Variants in REPS1 observed in about 807,000 individuals in gnomAD.
The protein encoded by REPS1 is ralBP1-associated Eps domain-containing protein 1.
Under a neutral mutation model 100.9 loss-of-function variants are expected in REPS1, and 39 were observed. The observed-to-expected ratio is 0.39, with a 90% CI of 0.30 to 0.50. The LOEUF is 0.50. Ranked by LOEUF, REPS1 falls within the 20% of genes least tolerant of loss-of-function variation. REPS1 has a pLI of 0.86. For synonymous variants in REPS1, 324 were observed against 340.3 expected (o/e 0.95, Z 0.53); for missense variants, 821 against 968.5 (o/e 0.85, Z 2.02).
At chr6:138,939,033 T>G (rs917139922) in intron 8 of REPS1, among the ~76,000 whole-genome samples, 2 of 152,056 alleles carry the variant, frequency 1.3e-5, no homozygotes, top group African/African-American at 2.4e-5. Context: ...ATAATGATTT[T>G]TATGGATACT....
intron 2 of REPS1, among the ~76,000 whole-genome samples, chr6:138,947,528 T>C (rs1422605061): frequency 1.3e-5 from 2 of 152,202 alleles, no homozygotes; most frequent in Non-Finnish European, 2.9e-5. Flanking sequence ...TTTGGTAAAT[T>C]AATTCTTAAA....
chr6:138,975,452 A>C (rs1784550918), intron 1 of REPS1, among the ~76,000 whole-genome samples: 1 of 152,240 alleles, frequency 6.6e-6, no homozygotes, highest in Non-Finnish European at 1.5e-5. Context: ...GAAGAACAAC[A>C]GACAATTTTC....
intron 1 of REPS1, among the ~76,000 whole-genome samples, chr6:138,972,237 A>G (rs748502022): frequency 6.6e-6 from 1 of 152,218 alleles, no homozygotes; most frequent in East Asian, 1.9e-4. Context: ...GGGGGGCGGA[A>G]TAAGCACGAA....
chr6:138,961,305 C>T (rs1272044097), intron 1 of REPS1, among the ~76,000 whole-genome samples: 4 of 152,136 alleles, frequency 2.6e-5, no homozygotes, highest in African/African-American at 7.2e-5. Flanking sequence ...GGCACGATCT[C>T]GGCTCACTGC....
At chr6:138,961,621 C>G (rs559240250) in intron 1 of REPS1, among the ~76,000 whole-genome samples, 5 of 152,274 alleles carry the variant, frequency 3.3e-5, no homozygotes, top group African/African-American at 1.2e-4. Context: ...GTTTTATCTG[C>G]CATGACTTTT....
intron 13 of REPS1, chr6:138,916,218 CTTTTTTTTTT>C (rs10582137): frequency 3.9e-5 from 8 of 207,438 alleles, no homozygotes; most frequent in African/African-American, 9.6e-5. Context: ...TTCTTTTTTT[CTTTTTTTTTT>C]TTTTTTTTTT....
At chr6:138,953,681 C>CAA (rs34741005) in intron 1 of REPS1, among the ~76,000 whole-genome samples, 4 of 126,934 alleles carry the variant, frequency 3.2e-5, no homozygotes, top group Non-Finnish European at 5.1e-5. Context: ...TGGCTATTAT[C>CAA]AAAAAAAAAA....
chr6:138,987,515 G>C lies in REPS1; in HGVS notation c.153+15C>G, dbSNP rs1346650444. ...CAGGCCTAAGCCGCCCGCCGGCCCCGGGACGCGACGTTACCTGTAGGACCA... is the reference window on the plus strand; with the variant it reads ...CAGGCCTAAGCCGCCCGCCGGCCCCCGGACGCGACGTTACCTGTAGGACCA... On this transcript the variant is annotated intron_variant, in intron 1 of 19. Coordinates refer to ENST00000450536, the MANE Select transcript of REPS1 (RefSeq NM_001286611.2). The C allele has an allele frequency of 1.2e-5, 18 of 1,544,838 alleles. No homozygotes were observed. The highest frequency in any genetic ancestry group is 1.5e-5 in the Non-Finnish European group (17 of 1,144,448).
chr6:138,944,759 C>T (rs1385831030), intron 4 of REPS1, 137 bp from the exon 5 acceptor site: 5 of 740,634 alleles, frequency 6.8e-6, no homozygotes, highest in African/African-American at 3.5e-5. Context: ...AGAAATTATA[C>T]CTCATTTAAA....
Position 138,914,695 on chromosome 6 carries a change from AC to A in REPS1, c.1785+1del, listed in dbSNP as rs1343682269. 6.2e-7 allele frequency: 1 copy of A among 1,611,942 alleles called. No homozygotes were observed. Among genetic ancestry groups the A allele is most frequent in the Non-Finnish European group, 8.5e-7 (1 of 1,178,056 alleles). On this transcript the variant is annotated splice_donor_variant, in intron 15 of 19. Transcript: ENST00000450536. Reference sequence around the variant, plus strand: ...TTAGTAATAAATACCTTGGAGAATTACCTGTGAGGGCTGTGGTCTTGGAGGC... The same window carrying A: ...TTAGTAATAAATACCTTGGAGAATTACTGTGAGGGCTGTGGTCTTGGAGGC...
chr6:138,905,028 T>G lies in REPS1; in HGVS notation c.*36A>C, dbSNP rs1353083109. The G allele has an allele frequency of 1.2e-6, 2 of 1,608,962 alleles. No homozygotes were observed. The highest frequency in any genetic ancestry group is 4.5e-5 in the East Asian group (2 of 44,804). ...AATTGGCTTTGAACCCAAAACCACT[T>G]AAAAACAAGTATGTTCACAGTTAAC... is the stretch of plus-strand genomic sequence containing the variant. On this transcript the variant is annotated 3_prime_UTR_variant, in exon 20 of 20. Coordinates refer to ENST00000450536, the MANE Select transcript of REPS1 (RefSeq NM_001286611.2).
At chr6:138,981,177 A>C (rs539093751) in intron 1 of REPS1, among the ~76,000 whole-genome samples, 2 of 152,344 alleles carry the variant, frequency 1.3e-5, no homozygotes, top group Admixed American at 6.5e-5. Context: ...TCAACAGCCC[A>C]AAAGAGACAG....
intron 1 of REPS1, among the ~76,000 whole-genome samples, chr6:138,980,973 A>G (rs1250129663): frequency 1.3e-5 from 2 of 152,156 alleles, no homozygotes; most frequent in Non-Finnish European, 2.9e-5. Flanking sequence ...AGTATTTAAA[A>G]CTGATTTAAG....
At chr6:138,906,251 G>GA (rs1217198217) in intron 19 of REPS1, among the ~76,000 whole-genome samples, 1 of 152,160 alleles carries the variant, frequency 6.6e-6, no homozygotes, top group Non-Finnish European at 1.5e-5. Context: ...TCATTCAGTA[G>GA]ATGTTTATCA....
At chr6:138,923,363 C>A (rs192701872) in intron 10 of REPS1, among the ~76,000 whole-genome samples, 2 of 152,112 alleles carry the variant, frequency 1.3e-5, no homozygotes, top group Admixed American at 1.3e-4. Flanking sequence ...ATTCCAAATA[C>A]AAAGCAAATT....
intron 1 of REPS1, among the ~76,000 whole-genome samples, chr6:138,969,913 G>C (rs897669640): frequency 8.9e-6 from 1 of 111,856 alleles, no homozygotes; most frequent in African/African-American, 3.6e-5. Context: ...AGACCTTAAA[G>C]AATGGGCAGT....
At chr6:138,945,832 C>G (rs1231121608) in intron 2 of REPS1, 135 bp from the exon 3 acceptor site, 1 of 687,074 alleles carries the variant, frequency 1.5e-6, no homozygotes, top group Non-Finnish European at 2.3e-6. Context: ...ATGTCTATCA[C>G]CACAAAATTT....
intron 1 of REPS1, among the ~76,000 whole-genome samples, chr6:138,983,648 G>C (rs979987074): frequency 1.3e-5 from 2 of 152,090 alleles, no homozygotes; most frequent in East Asian, 1.9e-4. Context: ...CATGCCCCCA[G>C]ATGACTCAGT....
chr6:138,987,765 G>GT lies in REPS1; in HGVS notation c.-84_-83insA. 7.2e-7 allele frequency: 1 copy of GT among 1,390,488 alleles called. No homozygotes were observed. Among genetic ancestry groups the GT allele is most frequent in the Admixed American group, 3.3e-5 (1 of 30,314 alleles). The allele number at this position is 1,390,488 out of a possible 1,614,324, so 86.1% of individuals were successfully genotyped here. On this transcript the variant is annotated 5_prime_UTR_variant, in exon 1 of 20. Coordinates refer to ENST00000450536, the MANE Select transcript of REPS1 (RefSeq NM_001286611.2). ...AGGAACCTGGGCCGGCAGGGGCTGC[G>GT]CGTGGCCCGGCCTCCTGCTAGCTTC...
Sources: allele counts gnomAD v4.1 joint callset (sites outside exome capture counted in the v4.1 genomes callset), GRCh38; gene constraint gnomAD v4.1.1; transcripts MANE v1.5; gene names NCBI Gene and HGNC (gene_info 2026-07-23, HGNC 2026-07-21).